Variants in ANKRD7 observed in about 807,000 individuals in gnomAD.
ANKRD7 encodes the protein ankyrin repeat domain 7, also known as ankyrin repeat domain-containing protein 7.
ANKRD7 carries 30 observed loss-of-function variants against 30.8 expected under a neutral mutation model. The observed-to-expected ratio is 0.97, with a 90% CI of 0.73 to 1.32. ANKRD7 has a LOEUF of 1.32. Ranked by LOEUF, ANKRD7 falls within the 40% of genes most tolerant of loss-of-function variation. ANKRD7 has a pLI of 0.00. For missense variants in ANKRD7, 264 were observed against 295.7 expected (o/e 0.89, Z 0.79); for synonymous variants, 97 against 106.6 (o/e 0.91, Z 0.55).
chr7:118,236,723 C>A, intron 4 of ANKRD7, 67 bp from the exon 5 acceptor site: 1 of 1,527,256 alleles, frequency 6.5e-7, no homozygotes, highest in Non-Finnish European at 8.9e-7. Flanking sequence ...ATTGAGAAGA[C>A]TGAATTTTTA....
intron 6 of ANKRD7, among the ~76,000 whole-genome samples, chr7:118,240,319 C>A (rs891981316): frequency 6.6e-6 from 1 of 152,122 alleles, no homozygotes. Flanking sequence ...CCCCTCCCCC[C>A]ACCTCACAAC....
chr7:118,240,818 T>C (rs1222668743), intron 6 of ANKRD7, among the ~76,000 whole-genome samples: 2 of 152,262 alleles, frequency 1.3e-5, no homozygotes, highest in African/African-American at 4.8e-5. Context: ...TTGAATTTAC[T>C]GTGCATCAAC....
intron 6 of ANKRD7, among the ~76,000 whole-genome samples, chr7:118,241,125 C>T (rs901747302): frequency 1.6e-5 from 2 of 124,254 alleles, no homozygotes; most frequent in African/African-American, 6.3e-5. Flanking sequence ...CTGCAGTCCG[C>T]AGTCCGGCCT....
At position 118,224,875 on chromosome 7, in the gene ANKRD7, C is replaced by T. The variant is rs758103577; in HGVS notation, c.45C>T (p.Arg15=). 2 of 1,614,092 alleles carry T rather than the reference C, an allele frequency of 1.2e-6. No homozygotes were observed. Among genetic ancestry groups the T allele is most frequent in the Admixed American group, 1.7e-5 (1 of 59,970 alleles). ...FSFWKRKNET[R]SQGYNLREKD... is the part of the protein sequence containing the mutation. ...TCTGGAAGAGGAAGAATGAGACCCG[C>T]AGCCAGGGCTACAACCTTCGAGAAA... Residue 15 remains arginine (R), a synonymous_variant, in exon 1 of 7, where the codon CGC becomes CGT. Transcript: ENST00000265224.
rs1809796759 is a variant in ANKRD7 at position 118,239,925 on chromosome 7, C to A, written c.729C>A (p.Phe243Leu). 6.3e-7 allele frequency: 1 copy of A among 1,595,902 alleles called. No homozygotes were observed. The highest frequency in any genetic ancestry group is 8.6e-7 in the Non-Finnish European group (1 of 1,168,380). ...SMVLLHRYPQ[F>L]TASHGKKKHA... ...CCTTTATAGATAGATACCCACAATT[C>A]ACTGCGAGCCATGGAAAGAAGAAAC... The change falls in exon 6 of 7, where the codon TTC (phenylalanine) becomes TTA (leucine). Residue 243 changes from phenylalanine to leucine, a missense_variant. Transcript: ENST00000265224.
rs1325583891 is a variant in ANKRD7 at position 118,237,244 on chromosome 7, C to G, written c.712+318C>G. ...CAAAAGATGATTCATTCACACAAAG[C>G]CTTTCATTGCCTTTAGATATTATTA... On this transcript the variant is annotated intron_variant, in intron 5 of 6. Coordinates refer to ENST00000265224, the MANE Select transcript of ANKRD7 (RefSeq NM_019644.4). Among the ~76,000 whole-genome samples, 5 of 152,164 alleles carry G rather than the reference C, an allele frequency of 3.3e-5. No homozygotes were observed. The East Asian group carries it at 9.7e-4, about 29-fold the overall frequency.
At chr7:118,228,924 T>C (rs1308615166) in intron 1 of ANKRD7, among the ~76,000 whole-genome samples, 1 of 152,212 alleles carries the variant, frequency 6.6e-6, no homozygotes, top group African/African-American at 2.4e-5. Flanking sequence ...GTAATGTATG[T>C]CAAATGGTAT....
rs1164137953 is a variant in ANKRD7, at chr7:118,236,031, T to A, written c.469-10T>A. On this transcript the variant is annotated splice_polypyrimidine_tract_variant and intron_variant, in intron 3 of 6. Coordinates refer to ENST00000265224, the MANE Select transcript of ANKRD7 (RefSeq NM_019644.4). ...ACAATATTTTAATCATTTTTAAATA[T>A]TTTTTTCAGGATGGGTATACTCCAC... The A allele has an allele frequency of 7.1e-7, 1 of 1,411,392 alleles. No individual in the cohort carries two copies. The highest frequency in any genetic ancestry group is 9.8e-7 in the Non-Finnish European group (1 of 1,023,228). 87.4% of individuals were successfully genotyped at this position (1,411,392 alleles called of 1,614,324 possible).
rs776555716 is a variant in ANKRD7 at position 118,230,230 on chromosome 7, G to A, written c.180-4201G>A. On this transcript the variant is annotated intron_variant, in intron 1 of 6. Transcript: ENST00000265224. ...GCATCCAAATTGACAAAGAGGATATGAAATTATCTCTATCACATGGACATA... is the reference window on the plus strand; with the variant it reads ...GCATCCAAATTGACAAAGAGGATATAAAATTATCTCTATCACATGGACATA... Among the ~76,000 whole-genome samples, 39 of 152,100 alleles carry A rather than the reference G, an allele frequency of 2.6e-4. 1 individual carries two copies. Among genetic ancestry groups the A allele is most frequent in the South Asian group, 6.2e-4 (3 of 4,822 alleles).
intron 3 of ANKRD7, among the ~76,000 whole-genome samples, chr7:118,235,376 G>A (rs1256976636): frequency 6.6e-6 from 1 of 152,086 alleles, no homozygotes; most frequent in African/African-American, 2.4e-5. Context: ...ACTTTGGGAG[G>A]CCGAGGTGGG....
intron 6 of ANKRD7, 83 bp from the exon 7 acceptor site, chr7:118,242,266 A>T (rs1468647965): frequency 2.0e-5 from 3 of 152,210 alleles, no homozygotes; most frequent in Admixed American, 6.5e-5. Context: ...GTTGTAGCTG[A>T]GGCATATAAT....
chr7:118,224,974 G>T lies in ANKRD7; in HGVS notation c.144G>T (p.Lys48Asn), dbSNP rs10487391. 2,681 of 1,614,074 alleles carry T rather than the reference G, an allele frequency of 1.7e-3. 46 individuals are homozygous for T. In the African/African-American group the frequency reaches 0.033, roughly 20 times the overall value. ...AGCTGAAGGAATACCTTCAGATCAA[G>T]AAATATGATGTAAATATGCAGGACA... Reference protein sequence around the residue: ...LKKLKEYLQIKKYDVNMQDKK... With the variant: ...LKKLKEYLQINKYDVNMQDKK... Residue 48 changes from lysine (K) to asparagine (N), a missense_variant, in exon 1 of 7, where the codon AAG becomes AAT. By Grantham distance (94) the Lys-to-Asn change is moderately conservative. Transcript: ENST00000265224.
chr7:118,227,863 G>A, intron 1 of ANKRD7: 2 of 1,334,626 alleles, frequency 1.5e-6, no homozygotes, highest in Non-Finnish European at 2.0e-6. Flanking sequence ...AAACTATACA[G>A]TTAGGAAAAG....
At chr7:118,225,486 CAAA>C (rs60691080) in intron 1 of ANKRD7, among the ~76,000 whole-genome samples, 1 of 124,332 alleles carries the variant, frequency 8.0e-6, no homozygotes. Flanking sequence ...AGACTCATCT[CAAA>C]AAAAAAAAAA....
intron 4 of ANKRD7, 117 bp downstream of exon 4, chr7:118,236,264 T>C (rs1406470320): frequency 1.8e-5 from 10 of 570,530 alleles, no homozygotes; most frequent in East Asian, 5.9e-5. Context: ...ATATATGATA[T>C]TGGGAAAATA....
At chr7:118,228,117 G>A in intron 1 of ANKRD7, 2 of 1,162,080 alleles carry the variant, frequency 1.7e-6, no homozygotes, top group Non-Finnish European at 1.1e-6. Context: ...CAGAACACTG[G>A]GGCCATCTGG....
At chr7:118,232,997 C>A (rs1430632258) in intron 1 of ANKRD7, among the ~76,000 whole-genome samples, 2 of 152,052 alleles carry the variant, frequency 1.3e-5, no homozygotes, top group African/African-American at 4.8e-5. Flanking sequence ...ACTCCTATTA[C>A]ATAAGGAATT....
rs181158404 is a variant in ANKRD7 at position 118,236,678 on chromosome 7, C to T, written c.576-112C>T. On this transcript the variant is annotated intron_variant, in intron 4 of 6. Coordinates refer to ENST00000265224, the MANE Select transcript of ANKRD7 (RefSeq NM_019644.4). The stretch of plus-strand genomic sequence containing the variant: ...TGTATTTTTTACATTGTTGCTTTGA[C>T]TCTTTCTGATAGAGGCCCTACATTT... 1.1e-3 allele frequency: 1,308 copies of T among 1,141,044 alleles called. 4 individuals carry two copies. Among genetic ancestry groups the T allele is most frequent in the Admixed American group, 2.6e-3 (114 of 43,734 alleles). The allele number at this position is 1,141,044 out of a possible 1,614,324, so 70.7% of individuals were successfully genotyped here.
At chr7:118,241,386 G>T (rs967474258) in intron 6 of ANKRD7, among the ~76,000 whole-genome samples, 1 of 151,450 alleles carries the variant, frequency 6.6e-6, no homozygotes, top group Admixed American at 6.6e-5. Flanking sequence ...GGCAATAGAA[G>T]ATCATATAAA....
Sources: gnomAD v4.1 joint callset for allele counts (sites outside exome capture counted in the v4.1 genomes callset) on GRCh38, gnomAD v4.1.1 for gene constraint, MANE v1.5 for transcripts, NCBI Gene and HGNC (gene_info 2026-07-23, HGNC 2026-07-21) for gene names.